The following GNAQ variants were observed in gnomAD, a reference collection of about 807,000 sequenced individuals.
GNAQ encodes the protein G protein subunit alpha q, also known as guanine nucleotide-binding protein G(q) subunit alpha.
In GNAQ, 8 loss-of-function variants were observed where a neutral mutation model predicts 43.9. The ratio of observed to expected loss-of-function variants is 0.18; its 90% CI spans 0.11 to 0.33. GNAQ has a LOEUF of 0.33. Among genes scored for constraint, GNAQ ranks in the 10% least tolerant of loss-of-function variants. GNAQ has a pLI of 1.00. For missense variants in GNAQ, 158 were observed against 450.8 expected (o/e 0.35, Z 5.88); for synonymous variants, 155 against 170.7 (o/e 0.91, Z 0.71).
chr9:77,745,209 G>T (rs1382297294), intron 5 of GNAQ, among the ~76,000 whole-genome samples: 1 of 152,148 alleles, frequency 6.6e-6, no homozygotes, highest in Non-Finnish European at 1.5e-5. Context: ...ACAGATGGGA[G>T]AAACAGCTGG....
At chr9:78,022,394 G>A (rs1389603082) in intron 1 of GNAQ, among the ~76,000 whole-genome samples, 5 of 152,168 alleles carry the variant, frequency 3.3e-5, no homozygotes, top group Admixed American at 2.6e-4. Flanking sequence ...AAAATACCCT[G>A]AGGTTAGTTA....
At chr9:77,862,452 G>A (rs1178916239) in intron 2 of GNAQ, among the ~76,000 whole-genome samples, 3 of 152,182 alleles carry the variant, frequency 2.0e-5, no homozygotes, top group Admixed American at 6.5e-5. Flanking sequence ...CTATGTGGAA[G>A]CTGCCAAGGT....
chr9:77,797,104 C>T (rs1254886161), intron 4 of GNAQ, among the ~76,000 whole-genome samples: 1 of 152,090 alleles, frequency 6.6e-6, no homozygotes, highest in East Asian at 1.9e-4. Context: ...GCAATCTCGT[C>T]TCATTGCAAC....
chr9:77,832,887 A>C (rs1158276039), intron 2 of GNAQ, among the ~76,000 whole-genome samples: 1 of 152,216 alleles, frequency 6.6e-6, no homozygotes, highest in Non-Finnish European at 1.5e-5. Flanking sequence ...GTCCACTCAC[A>C]GGTTGGCCTT....
chr9:78,009,695 A>G (rs1271226409), intron 1 of GNAQ, among the ~76,000 whole-genome samples: 1 of 152,238 alleles, frequency 6.6e-6, no homozygotes, highest in Non-Finnish European at 1.5e-5. Flanking sequence ...ACTTTCCTTT[A>G]GAGAATGAAC....
At chr9:78,009,961 A>C (rs1302353120) in intron 1 of GNAQ, among the ~76,000 whole-genome samples, 1 of 152,248 alleles carries the variant, frequency 6.6e-6, no homozygotes, top group Non-Finnish European at 1.5e-5. Flanking sequence ...ATGAACTGGT[A>C]CTGGTAGAGA....
chr9:78,027,891 G>T (rs1824002072), intron 1 of GNAQ, among the ~76,000 whole-genome samples: 1 of 151,814 alleles, frequency 6.6e-6, no homozygotes, highest in South Asian at 2.1e-4. Flanking sequence ...TGTAAAATAA[G>T]AACAGGTTAA....
At chr9:77,746,551 A>T (rs569218796) in intron 5 of GNAQ, among the ~76,000 whole-genome samples, 1 of 152,230 alleles carries the variant, frequency 6.6e-6, no homozygotes, top group African/African-American at 2.4e-5. Flanking sequence ...AGATATACAC[A>T]CACAAAGAAA....
intron 2 of GNAQ, among the ~76,000 whole-genome samples, chr9:77,840,834 G>C (rs1827479016): frequency 6.6e-6 from 1 of 152,118 alleles, no homozygotes; most frequent in Non-Finnish European, 1.5e-5. Flanking sequence ...TAAGTTCGTG[G>C]GGCAGTTCCT....
chr9:77,953,486 T>C (rs933291222), intron 1 of GNAQ, among the ~76,000 whole-genome samples: 5 of 152,164 alleles, frequency 3.3e-5, no homozygotes, highest in African/African-American at 7.2e-5. Context: ...GTTTTCCCCT[T>C]GGACCTTTCC....
chr9:78,005,729 C>T (rs188295311), intron 1 of GNAQ, among the ~76,000 whole-genome samples: 69 of 152,266 alleles, frequency 4.5e-4, no homozygotes, highest in Non-Finnish European at 6.9e-4. Flanking sequence ...GAGCACTCCA[C>T]CTTAACCAAG....
intron 2 of GNAQ, among the ~76,000 whole-genome samples, chr9:77,823,707 T>G (rs1169099966): frequency 2.6e-5 from 4 of 152,002 alleles, no homozygotes; most frequent in African/African-American, 9.7e-5. Context: ...CCACACACTT[T>G]TAAACGATCA....
intron 1 of GNAQ, among the ~76,000 whole-genome samples, chr9:78,007,007 G>C (rs182024353): frequency 5.1e-4 from 78 of 152,268 alleles, no homozygotes; most frequent in African/African-American, 1.7e-3. Context: ...CTTAGCCAAT[G>C]CAAGTTCTTC....
At chr9:77,967,919 G>A (rs1823188987) in intron 1 of GNAQ, among the ~76,000 whole-genome samples, 1 of 152,186 alleles carries the variant, frequency 6.6e-6, no homozygotes, top group Non-Finnish European at 1.5e-5. Flanking sequence ...GGCGGAGGTT[G>A]CAGTGAACCG....
At chr9:77,749,642 T>C (rs1825781527) in intron 5 of GNAQ, among the ~76,000 whole-genome samples, 1 of 152,204 alleles carries the variant, frequency 6.6e-6, no homozygotes, top group African/African-American at 2.4e-5. Flanking sequence ...TATACACAAA[T>C]TGGTATTTCT....
chr9:77,749,996 C>T (rs1207802152), intron 5 of GNAQ, among the ~76,000 whole-genome samples: 1 of 151,856 alleles, frequency 6.6e-6, no homozygotes, highest in Non-Finnish European at 1.5e-5. Context: ...ACTACAATAG[C>T]AAATATTTTG....
At chr9:77,872,716 T>G (rs936091898) in intron 2 of GNAQ, among the ~76,000 whole-genome samples, 3 of 152,168 alleles carry the variant, frequency 2.0e-5, no homozygotes, top group Non-Finnish European at 4.4e-5. Flanking sequence ...AAAGTCCAAG[T>G]TCACACACCA....
intron 2 of GNAQ, among the ~76,000 whole-genome samples, chr9:77,892,766 T>C (rs952500490): frequency 6.6e-6 from 1 of 152,182 alleles, no homozygotes; most frequent in Admixed American, 6.5e-5. Context: ...TAAGAATCTA[T>C]GAGGAGATTA....
In GNAQ at chr9:77,908,256, C is replaced by T. The variant is rs189340914; in HGVS notation, c.321+13905G>A. ...AAAAGTTAAGACTCCTTTATCTCAG[C>T]AGTGACAGAAATCCATGAACCCCTT... On this transcript the variant is annotated intron_variant, in intron 2 of 6. Coordinates refer to ENST00000286548, the MANE Select transcript of GNAQ (RefSeq NM_002072.5). Among the ~76,000 whole-genome samples, 559 of 152,248 alleles carry T rather than the reference C, an allele frequency of 3.7e-3. 4 individuals are homozygous for T. Among genetic ancestry groups the T allele is most frequent in the Non-Finnish European group, 4.3e-3 (294 of 68,016 alleles).
Sources: gnomAD v4.1 joint callset for allele counts (sites outside exome capture counted in the v4.1 genomes callset) on GRCh38, gnomAD v4.1.1 for gene constraint, MANE v1.5 for transcripts, NCBI Gene and HGNC (gene_info 2026-07-23, HGNC 2026-07-21) for gene names.